RPH3A: variants seen among roughly 807,000 people sequenced by gnomAD.
RPH3A encodes the protein rabphilin 3A.
Under a neutral mutation model 102.2 loss-of-function variants are expected in RPH3A, and 48 were observed. The observed-to-expected ratio is 0.47, with a 90% CI of 0.37 to 0.60. RPH3A has a LOEUF of 0.60. RPH3A is among the 20% of genes least tolerant of loss of function. The pLI is 0.00. For synonymous variants in RPH3A, 310 were observed against 324.3 expected, an observed-to-expected ratio of 0.96 and a Z score of 0.47; for missense variants, 781 against 910.1, an observed-to-expected ratio of 0.86 and a Z score of 1.83.
intron 5 of RPH3A, among the ~76,000 whole-genome samples, chr12:112,856,239 C>A (rs547674685): frequency 9.8e-5 from 15 of 152,314 alleles, no homozygotes; most frequent in Admixed American, 8.5e-4. Flanking sequence ...TTCCTCGACA[C>A]GCATCAAGAT....
At chr12:112,771,143 T>A (rs2040924874) in intron 1 of RPH3A, among the ~76,000 whole-genome samples, 1 of 152,202 alleles carries the variant, frequency 6.6e-6, no homozygotes, top group Non-Finnish European at 1.5e-5. Flanking sequence ...CTCGTATGTG[T>A]CCTGTTGCCT....
Position 112,586,352 on chromosome 12 carries a change from C to T in RPH3A, c.-140+11033C>T, listed in dbSNP as rs191819707. Among the ~76,000 whole-genome samples the T allele has an allele frequency of 4.5e-4, 68 of 152,128 alleles. 2 individuals carry two copies. The highest frequency in any genetic ancestry group is 4.1e-3 in the Admixed American group (62 of 15,284). On this transcript the variant is annotated intron_variant, in intron 1 of 21. Coordinates refer to the RPH3A transcript ENST00000543106. ...AGTAACTTGCAGGTTGTGCTAAGTG[C>T]TGTGAAGGCAAATATAGCCGTGGGG...
chr12:112,844,911 G>A (rs1593073074), intron 4 of RPH3A, among the ~76,000 whole-genome samples: 1 of 152,212 alleles, frequency 6.6e-6, no homozygotes. Context: ...CTTCATAGGG[G>A]ATCGAGGAGC....
At chr12:112,864,072 T>C (rs2042566861) in intron 5 of RPH3A, among the ~76,000 whole-genome samples, 1 of 152,024 alleles carries the variant, frequency 6.6e-6, no homozygotes, top group African/African-American at 2.4e-5. Flanking sequence ...ATTCCAAAGG[T>C]GCTATGAGGA....
intron 1 of RPH3A, among the ~76,000 whole-genome samples, chr12:112,694,632 ACGCG>A (rs752695966): frequency 2.6e-5 from 3 of 115,020 alleles, no homozygotes; most frequent in African/African-American, 7.4e-5. Flanking sequence ...AGACACACGC[ACGCG>A]CGCGCGCGCA....
intron 1 of RPH3A, among the ~76,000 whole-genome samples, chr12:112,583,037 C>A (rs1238322610): frequency 2.0e-5 from 3 of 152,134 alleles, no homozygotes; most frequent in Non-Finnish European, 4.4e-5. Context: ...TTAAAACTTA[C>A]TTTGCCTCCC....
intron 4 of RPH3A, 21 bp downstream of exon 4, chr12:112,836,523 A>G: frequency 8.2e-7 from 1 of 1,225,516 alleles, no homozygotes. Flanking sequence ...TATAACACTT[A>G]TTTATTTATT....
intron 1 of RPH3A, among the ~76,000 whole-genome samples, chr12:112,634,807 G>A (rs2039836737): frequency 6.6e-6 from 1 of 152,184 alleles, no homozygotes; most frequent in Admixed American, 6.5e-5. Context: ...GAAAGTCTCA[G>A]TTGGGTGCTC....
chr12:112,857,882 C>A (rs1348043384), intron 5 of RPH3A, among the ~76,000 whole-genome samples: 2 of 152,118 alleles, frequency 1.3e-5, no homozygotes, highest in African/African-American at 4.8e-5. Context: ...AGACCAGAAA[C>A]CTGCCTGCTT....
At chr12:112,705,731 T>C (rs1761103339) in intron 1 of RPH3A, among the ~76,000 whole-genome samples, 1 of 152,244 alleles carries the variant, frequency 6.6e-6, no homozygotes, top group Non-Finnish European at 1.5e-5. Flanking sequence ...AAATTTAAAC[T>C]TTTTTTAATT....
At chr12:112,846,016 T>C (rs969212071) in intron 4 of RPH3A, among the ~76,000 whole-genome samples, 1 of 152,034 alleles carries the variant, frequency 6.6e-6, no homozygotes, top group African/African-American at 2.4e-5. Flanking sequence ...CATTTAAGAT[T>C]GAGCAGAGAG....
intron 1 of RPH3A, among the ~76,000 whole-genome samples, chr12:112,669,293 A>G (rs538625406): frequency 3.3e-5 from 5 of 152,342 alleles, no homozygotes; most frequent in Non-Finnish European, 2.9e-5. Context: ...TCCTAATTTG[A>G]TCATTCCATG....
intron 3 of RPH3A, chr12:112,831,775 T>C (rs1050356833): frequency 7.9e-5 from 36 of 455,852 alleles, no homozygotes; most frequent in Non-Finnish European, 1.5e-4. Flanking sequence ...CTTTGAAGGA[T>C]TGGTTGTGCT....
chr12:112,622,483 T>A (rs2039738099), intron 1 of RPH3A, among the ~76,000 whole-genome samples: 1 of 110,524 alleles, frequency 9.0e-6, no homozygotes. Flanking sequence ...ATGAATGAAA[T>A]GAAGCGAGAA....
At chr12:112,845,504 G>A (rs1041612993) in intron 4 of RPH3A, among the ~76,000 whole-genome samples, 7 of 152,166 alleles carry the variant, frequency 4.6e-5, no homozygotes, top group South Asian at 2.1e-4. Context: ...GTACCTGTGC[G>A]AACAGGGGGC....
intron 1 of RPH3A, among the ~76,000 whole-genome samples, chr12:112,768,693 G>T (rs954797876): frequency 3.3e-5 from 5 of 152,170 alleles, no homozygotes; most frequent in Non-Finnish European, 5.9e-5. Context: ...TGGGAGGACT[G>T]CTTGAAGCCA....
intron 2 of RPH3A, among the ~76,000 whole-genome samples, chr12:112,792,568 C>G (rs2041142316): frequency 6.6e-6 from 1 of 152,188 alleles, no homozygotes. Flanking sequence ...GTGAAAGTAG[C>G]CGGCAGTTCT....
chr12:112,713,610 G>A (rs1565857839), intron 1 of RPH3A, among the ~76,000 whole-genome samples: 1 of 152,080 alleles, frequency 6.6e-6, no homozygotes, highest in Non-Finnish European at 1.5e-5. Flanking sequence ...CTGTGTGGCT[G>A]TTTTGAGACT....
At chr12:112,594,892 C>A (rs1249174770) in intron 1 of RPH3A, among the ~76,000 whole-genome samples, 1 of 152,200 alleles carries the variant, frequency 6.6e-6, no homozygotes, top group East Asian at 1.9e-4. Flanking sequence ...GTGTTCGATG[C>A]ATGCAAGTCC....
Sources: gnomAD v4.1 joint callset for allele counts (sites outside exome capture counted in the v4.1 genomes callset) on GRCh38, gnomAD v4.1.1 for gene constraint, MANE v1.5 for transcripts, NCBI Gene and HGNC (gene_info 2026-07-23, HGNC 2026-07-21) for gene names.